The following GNAO1 variants were observed in gnomAD, a reference collection of about 807,000 sequenced individuals.
The protein encoded by GNAO1 is guanine nucleotide-binding protein G(o) subunit alpha.
For missense variants in GNAO1, 166 were observed against 478.7 expected (o/e 0.35, Z 6.10); for synonymous variants, 164 against 180.7 (o/e 0.91, Z 0.74).
chr16:56,247,285 C>A (rs564318564), intron 2 of GNAO1, among the ~76,000 whole-genome samples: 1 of 152,298 alleles, frequency 6.6e-6, no homozygotes, highest in East Asian at 1.9e-4. Context: ...GGAATAACCC[C>A]ACCCACATGT....
intron 2 of GNAO1, among the ~76,000 whole-genome samples, chr16:56,232,102 A>G (rs532294545): frequency 6.6e-6 from 1 of 152,184 alleles, no homozygotes; most frequent in South Asian, 2.1e-4. Flanking sequence ...CAAGGCGTTG[A>G]CGGATGTCTG....
chr16:56,345,089 A>T (rs2037851505), intron 6 of GNAO1: 1 of 985,196 alleles, frequency 1.0e-6, no homozygotes, highest in Non-Finnish European at 1.2e-6. Flanking sequence ...GAGTCCTAGG[A>T]CTCCTTAGAG....
chr16:56,203,309 G>A (rs2036297183), intron 2 of GNAO1, among the ~76,000 whole-genome samples: 1 of 152,034 alleles, frequency 6.6e-6, no homozygotes, highest in Admixed American at 6.5e-5. Flanking sequence ...CATTCCTCTG[G>A]CCACAGTGAT....
At chr16:56,281,793 G>A (rs1409954631) in intron 3 of GNAO1, among the ~76,000 whole-genome samples, 1 of 152,230 alleles carries the variant, frequency 6.6e-6, no homozygotes, top group Non-Finnish European at 1.5e-5. Context: ...AAGGGTTGAG[G>A]AGAAACTGAA....
intron 2 of GNAO1, among the ~76,000 whole-genome samples, chr16:56,201,818 G>A (rs1161711353): frequency 1.3e-5 from 2 of 152,214 alleles, no homozygotes; most frequent in Non-Finnish European, 2.9e-5. Flanking sequence ...AGGAGGAAGA[G>A]AGAAGACTTG....
At chr16:56,209,120 ATTTAT>A (rs1370266574) in intron 2 of GNAO1, among the ~76,000 whole-genome samples, 1 of 151,698 alleles carries the variant, frequency 6.6e-6, no homozygotes, top group African/African-American at 2.4e-5. Flanking sequence ...AGCTTTGGAG[ATTTAT>A]TTTATTTTCT....
chr16:56,192,751 C>CACACACA, intron 2 of GNAO1, 135 bp downstream of exon 2: 9 of 647,802 alleles, frequency 1.4e-5, no homozygotes, highest in Non-Finnish European at 2.3e-5. Context: ...CACACACACA[C>CACACACA]CCCTATATTT....
At chr16:56,332,513 C>G (rs78424165) in intron 4 of GNAO1, among the ~76,000 whole-genome samples, 2,939 of 152,358 alleles carry the variant, frequency 0.019, 112 homozygotes, top group African/African-American at 0.067. Flanking sequence ...GACATATCAT[C>G]TCTCTGACTC....
chr16:56,355,224 T>C (rs1410177163), intron 8 of GNAO1, 143 bp downstream of exon 8: 4 of 220,642 alleles, frequency 1.8e-5, no homozygotes, highest in Admixed American at 1.1e-4. Flanking sequence ...TATATATATA[T>C]ATACAAATAT....
intron 3 of GNAO1, among the ~76,000 whole-genome samples, chr16:56,325,853 T>G (rs1476040003): frequency 6.6e-6 from 1 of 152,180 alleles, no homozygotes; most frequent in African/African-American, 2.4e-5. Context: ...TCTGGTAGCT[T>G]TATTCTGAGA....
intron 2 of GNAO1, among the ~76,000 whole-genome samples, chr16:56,234,735 C>A (rs948249827): frequency 6.6e-6 from 1 of 152,142 alleles, no homozygotes; most frequent in African/African-American, 2.4e-5. Context: ...CTGGTTCCCC[C>A]CCAACTCCTA....
rs1362997292 is a variant in GNAO1 at position 56,326,654 on chromosome 16, T to C, written c.304-1977T>C. Among the ~76,000 whole-genome samples the C allele has an allele frequency of 1.3e-5, 2 of 152,186 alleles. No individual in the cohort carries two copies. The highest frequency in any genetic ancestry group is 6.5e-5 in the Admixed American group (1 of 15,288). ...GTAGCTTGTCTCAGAATTGCCTCCC[T>C]GGGAGGGCAAGGAAGCCGGGTTATT... On this transcript the variant is annotated intron_variant, in intron 3 of 8. Transcript: ENST00000262493. The surrounding 1 kb of genome is among the most constrained non-coding windows in gnomAD (Gnocchi z 4.8).
intron 2 of GNAO1, among the ~76,000 whole-genome samples, chr16:56,263,903 T>G (rs1359365457): frequency 6.6e-6 from 1 of 152,150 alleles, no homozygotes; most frequent in East Asian, 1.9e-4. Context: ...TGCCAGCTGG[T>G]CAGCAGCAGA....
rs186329917 is a variant in GNAO1, at chr16:56,337,691, T to A, written c.723+831T>A. ...GGGCTGTTGGCAGTGGGGTGGGTGA[T>A]GCGTGTGCAGCGCTCTGGAGCTGTT... On this transcript the variant is annotated intron_variant, in intron 6 of 8. Transcript: ENST00000262493. Among the ~76,000 whole-genome samples the A allele has an allele frequency of 1.2e-3, 179 of 152,328 alleles. 4 individuals are homozygous for A. The East Asian group carries it at 0.03, about 26-fold the overall frequency.
At chr16:56,207,830 A>G (rs1394453195) in intron 2 of GNAO1, among the ~76,000 whole-genome samples, 1 of 152,246 alleles carries the variant, frequency 6.6e-6, no homozygotes, top group African/African-American at 2.4e-5. Context: ...ATGTAGATCA[A>G]TATACATGCA....
At chr16:56,197,926 T>C (rs1294946032) in intron 2 of GNAO1, among the ~76,000 whole-genome samples, 1 of 152,152 alleles carries the variant, frequency 6.6e-6, no homozygotes, top group Non-Finnish European at 1.5e-5. Flanking sequence ...GGGACTTGAC[T>C]CCCTGTCTCC....
chr16:56,304,190 C>T lies in GNAO1; in HGVS notation c.304-24441C>T, dbSNP rs146929165. On this transcript the variant is annotated intron_variant, in intron 3 of 8. Coordinates refer to ENST00000262493, the MANE Select transcript of GNAO1 (RefSeq NM_020988.3). ...GAGCCACACTCACTGCCACCCTCAC[C>T]GGGGAGAGCAGAGACCCTGCTGCCC... Among the ~76,000 whole-genome samples the T allele has an allele frequency of 1.3e-4, 20 of 152,304 alleles. No individual in the cohort carries two copies. The East Asian group carries it at 2.7e-3, about 21-fold the overall frequency.
chr16:56,263,259 CAGAA>C (rs1258521730), intron 2 of GNAO1, among the ~76,000 whole-genome samples: 1 of 152,194 alleles, frequency 6.6e-6, no homozygotes, highest in East Asian at 1.9e-4. Flanking sequence ...CCCACCTTCA[CAGAA>C]AGGAGTTATA....
intron 2 of GNAO1, among the ~76,000 whole-genome samples, chr16:56,215,475 T>C (rs916770683): frequency 5.3e-5 from 8 of 152,350 alleles, no homozygotes; most frequent in African/African-American, 1.7e-4. Flanking sequence ...CTGGCAGTGC[T>C]ACCTTCTAGT....
Sources: gnomAD v4.1 joint callset for allele counts (sites outside exome capture counted in the v4.1 genomes callset) on GRCh38, gnomAD v4.1.1 for gene constraint, Gnocchi (gnomAD v3.1) non-coding constraint, MANE v1.5 for transcripts, NCBI Gene and HGNC (gene_info 2026-07-23, HGNC 2026-07-21) for gene names.